The following GRIN2B variants were observed in gnomAD, a reference collection of about 807,000 sequenced individuals.
The protein encoded by GRIN2B is glutamate receptor ionotropic, NMDA 2B.
GRIN2B carries 5 observed loss-of-function variants against 114.5 expected under a neutral mutation model. The observed-to-expected ratio is 0.04, with a 90% CI of 0.02 to 0.09. The LOEUF is 0.09. Among genes scored for constraint, GRIN2B ranks in the 10% least tolerant of loss-of-function variants. GRIN2B has a pLI of 1.00. For synonymous variants in GRIN2B, 787 were observed against 745.1 expected, an observed-to-expected ratio of 1.06 and a Z score of -0.92; for missense variants, 1,108 against 1,943.5, an observed-to-expected ratio of 0.57 and a Z score of 8.08.
intron 3 of GRIN2B, among the ~76,000 whole-genome samples, chr12:13,786,776 GGAAA>G (rs1864230062): frequency 6.6e-6 from 1 of 152,150 alleles, no homozygotes; most frequent in Non-Finnish European, 1.5e-5. Context: ...GGGAAGAAAG[GGAAA>G]CTGACACAGC....
intron 2 of GRIN2B, among the ~76,000 whole-genome samples, chr12:13,910,836 A>T (rs1171804084): frequency 6.6e-6 from 1 of 152,146 alleles, no homozygotes; most frequent in African/African-American, 2.4e-5. Flanking sequence ...GGCATCTCTC[A>T]GGAACCCATT....
chr12:13,716,604 T>C (rs894481351), intron 4 of GRIN2B, among the ~76,000 whole-genome samples: 2 of 151,866 alleles, frequency 1.3e-5, no homozygotes, highest in African/African-American at 4.8e-5. Flanking sequence ...AAGACAGGGA[T>C]ATGGAATGAA....
chr12:13,622,256 A>G (rs1949525140), intron 5 of GRIN2B, among the ~76,000 whole-genome samples: 1 of 152,202 alleles, frequency 6.6e-6, no homozygotes, highest in Non-Finnish European at 1.5e-5. Flanking sequence ...CTTGCTGCTT[A>G]TTTTAAGCCT....
At chr12:13,733,879 A>C (rs981302087) in intron 4 of GRIN2B, among the ~76,000 whole-genome samples, 3 of 152,228 alleles carry the variant, frequency 2.0e-5, no homozygotes, top group African/African-American at 7.2e-5. Flanking sequence ...CTTGTAAGAC[A>C]TTATTTTACA....
At chr12:13,952,813 AC>A (rs769372938) in intron 2 of GRIN2B, among the ~76,000 whole-genome samples, 8 of 151,978 alleles carry the variant, frequency 5.3e-5, no homozygotes, top group Non-Finnish European at 8.8e-5. Context: ...AATGAACACA[AC>A]ATATTAGACA....
At chr12:13,675,708 T>G (rs774832054) in intron 5 of GRIN2B, 37 bp downstream of exon 5, 6 of 1,254,576 alleles carry the variant, frequency 4.8e-6, no homozygotes, top group African/African-American at 2.9e-5. Context: ...ACATTTCTAC[T>G]CTACTTTGCT....
chr12:13,929,282 A>C (rs1178405080), intron 2 of GRIN2B, among the ~76,000 whole-genome samples: 2 of 152,222 alleles, frequency 1.3e-5, no homozygotes, highest in African/African-American at 4.8e-5. Context: ...AAATATGACC[A>C]GTTCTAACTT....
chr12:13,663,373 ATGG>A (rs943699497), intron 5 of GRIN2B, among the ~76,000 whole-genome samples: 6 of 152,188 alleles, frequency 3.9e-5, no homozygotes, highest in Non-Finnish European at 8.8e-5. Context: ...CAACCACAAC[ATGG>A]TGGTTTATTA....
At chr12:13,852,373 C>A (rs534239273) in intron 3 of GRIN2B, among the ~76,000 whole-genome samples, 16 of 152,198 alleles carry the variant, frequency 1.1e-4, no homozygotes, top group African/African-American at 3.9e-4. Context: ...AAAGGAGAAG[C>A]AGCCATTTAG....
chr12:13,805,265 T>C (rs923644442), intron 3 of GRIN2B, among the ~76,000 whole-genome samples: 1 of 152,166 alleles, frequency 6.6e-6, no homozygotes, highest in African/African-American at 2.4e-5. Flanking sequence ...ATAAAACCTA[T>C]AGCTACCTAG....
chr12:13,889,450 C>T (rs1326648066), intron 2 of GRIN2B, among the ~76,000 whole-genome samples: 2 of 152,130 alleles, frequency 1.3e-5, no homozygotes, highest in Admixed American at 6.5e-5. Context: ...AATATAATTA[C>T]CCAGCTTAAT....
chr12:13,862,609 C>T (rs758756605), intron 3 of GRIN2B, among the ~76,000 whole-genome samples: 22 of 151,700 alleles, frequency 1.5e-4, no homozygotes, highest in South Asian at 8.4e-4. Flanking sequence ...ACTGTGTGTC[C>T]CCATTCTATG....
chr12:13,789,620 A>T (rs938525205), intron 3 of GRIN2B, among the ~76,000 whole-genome samples: 3 of 152,196 alleles, frequency 2.0e-5, no homozygotes, highest in Non-Finnish European at 4.4e-5. Flanking sequence ...TAAACTGGTG[A>T]TAATAATTAT....
chr12:13,970,561 G>T (rs1241098915), intron 2 of GRIN2B, among the ~76,000 whole-genome samples: 1 of 151,968 alleles, frequency 6.6e-6, no homozygotes, highest in Non-Finnish European at 1.5e-5. Flanking sequence ...AACCACTGAG[G>T]ACATAAAAGG....
intron 5 of GRIN2B, among the ~76,000 whole-genome samples, chr12:13,653,594 A>G (rs1949838344): frequency 3.9e-5 from 6 of 152,038 alleles, no homozygotes; most frequent in Non-Finnish European, 2.9e-5. Context: ...ACAGAAAAAA[A>G]GGAGGAGTTG....
chr12:13,775,197 T>C (rs1863982043), intron 3 of GRIN2B, among the ~76,000 whole-genome samples: 1 of 152,166 alleles, frequency 6.6e-6, no homozygotes, highest in African/African-American at 2.4e-5. Flanking sequence ...AGGCTGAGGA[T>C]GGAGACAAGA....
At chr12:13,787,422 C>A (rs768892995) in intron 3 of GRIN2B, among the ~76,000 whole-genome samples, 13 of 152,174 alleles carry the variant, frequency 8.5e-5, no homozygotes, top group Non-Finnish European at 1.6e-4. Flanking sequence ...TAGGACTATA[C>A]CTGCCAGAAA....
intron 2 of GRIN2B, among the ~76,000 whole-genome samples, chr12:13,936,828 G>A (rs907263891): frequency 2.0e-5 from 3 of 151,662 alleles, no homozygotes; most frequent in Admixed American, 6.6e-5. Context: ...GGAAATCTCA[G>A]TGGAAAAGCA....
chr12:13,854,173 A>C (rs886389791), intron 3 of GRIN2B, among the ~76,000 whole-genome samples: 1 of 152,188 alleles, frequency 6.6e-6, no homozygotes, highest in African/African-American at 2.4e-5. Context: ...GGAAAGTAGA[A>C]AAATATCAGC....
Sources: allele counts gnomAD v4.1 joint callset (sites outside exome capture counted in the v4.1 genomes callset), GRCh38; gene constraint gnomAD v4.1.1; transcripts MANE v1.5; gene names NCBI Gene and HGNC (gene_info 2026-07-23, HGNC 2026-07-21).